The following TAFA5 variants were observed in gnomAD, a reference collection of about 807,000 sequenced individuals.
The protein encoded by TAFA5 is TAFA chemokine like family member 5.
Under a neutral mutation model 15.3 loss-of-function variants are expected in TAFA5, and 6 were observed. That is an observed-to-expected ratio of 0.39 (90% CI 0.21 to 0.77). The LOEUF is 0.77. Ranked by LOEUF, TAFA5 falls within the 30% of genes least tolerant of loss-of-function variation. The probability of loss-of-function intolerance (pLI) is 0.41; values close to 1 mark genes in which losing one functional copy is unlikely to be tolerated. For synonymous variants in TAFA5, 103 were observed against 80.7 expected, an observed-to-expected ratio of 1.28 and a Z score of -1.48; for missense variants, 161 against 193.1, an observed-to-expected ratio of 0.83 and a Z score of 0.98.
intron 1 of TAFA5, among the ~76,000 whole-genome samples, chr22:48,606,899 G>A (rs762571440): frequency 6.6e-6 from 1 of 152,210 alleles, no homozygotes; most frequent in Non-Finnish European, 1.5e-5. Flanking sequence ...CCTGCTTCAC[G>A]TGACAGTTCA....
At chr22:48,524,720 C>A (rs1463757745) in intron 1 of TAFA5, among the ~76,000 whole-genome samples, 2 of 152,134 alleles carry the variant, frequency 1.3e-5, no homozygotes, top group Non-Finnish European at 2.9e-5. Flanking sequence ...GTGGGTGAGA[C>A]CCTGCACCGA....
At chr22:48,544,439 G>A (rs1377778438) in intron 1 of TAFA5, 6 of 346,144 alleles carry the variant, frequency 1.7e-5, no homozygotes, top group Admixed American at 7.6e-5. Context: ...CCGTCAGCCC[G>A]TCCCTCGAGG....
intron 1 of TAFA5, among the ~76,000 whole-genome samples, chr22:48,555,907 C>T (rs1341007549): frequency 6.6e-6 from 1 of 152,172 alleles, no homozygotes; most frequent in Non-Finnish European, 1.5e-5. Context: ...TTGGGTGGTG[C>T]TTGTGAGGGG....
intron 1 of TAFA5, among the ~76,000 whole-genome samples, chr22:48,630,870 G>A (rs1326348702): frequency 1.3e-5 from 2 of 152,114 alleles, no homozygotes; most frequent in Non-Finnish European, 1.5e-5. Context: ...GCCCAAATCT[G>A]CCCCCTATAC....
At chr22:48,627,399 A>G (rs1218283645) in intron 1 of TAFA5, among the ~76,000 whole-genome samples, 1 of 152,188 alleles carries the variant, frequency 6.6e-6, no homozygotes, top group Non-Finnish European at 1.5e-5. Flanking sequence ...GAGGATGGAG[A>G]AATGCGTCAG....
At chr22:48,522,717 T>C (rs1180912215) in intron 1 of TAFA5, among the ~76,000 whole-genome samples, 1 of 151,884 alleles carries the variant, frequency 6.6e-6, no homozygotes, top group Non-Finnish European at 1.5e-5. Flanking sequence ...CTGCCTGGGG[T>C]TTTGTGGCCA....
At chr22:48,722,251 A>G (rs930497224) in intron 3 of TAFA5, among the ~76,000 whole-genome samples, 1 of 152,164 alleles carries the variant, frequency 6.6e-6, no homozygotes, top group Non-Finnish European at 1.5e-5. Flanking sequence ...GTGAGGTGGT[A>G]TCTCATTGTT....
At chr22:48,501,454 G>C (rs942427074) in intron 1 of TAFA5, among the ~76,000 whole-genome samples, 1 of 152,218 alleles carries the variant, frequency 6.6e-6, no homozygotes, top group Non-Finnish European at 1.5e-5. Context: ...GCGTGAACTC[G>C]GGTGACGGCC....
At chr22:48,605,417 A>AT (rs1925152118) in intron 1 of TAFA5, among the ~76,000 whole-genome samples, 49 of 33,760 alleles carry the variant, frequency 1.5e-3, no homozygotes, top group South Asian at 2.7e-3. Context: ...GGTGATGGTG[A>AT]GGATGGTGGT....
rs1258230763 is a variant in TAFA5, at chr22:48,490,781, A to C, written c.112+1077A>C. On this transcript the variant is annotated intron_variant, in intron 1 of 3. Transcript: ENST00000402357. This position sits in a 1 kb window ranked among gnomAD's most constrained non-coding sequence, Gnocchi z 5.8. ...ATGGAAAAATATGGATTCTTTACAA[A>C]AAAAAAAAAAAAAGGCCAGCACCGA... Among the ~76,000 whole-genome samples, 1 of 143,084 alleles carries C rather than the reference A, an allele frequency of 7.0e-6. No individual in the cohort carries two copies. Among genetic ancestry groups the C allele is most frequent in the Non-Finnish European group, 1.5e-5 (1 of 66,302 alleles). The allele number at this position is 143,084 out of a possible 152,430, so 93.9% of individuals were successfully genotyped here.
chr22:48,637,093 G>A (rs894124923), intron 1 of TAFA5, among the ~76,000 whole-genome samples: 1 of 152,204 alleles, frequency 6.6e-6, no homozygotes, highest in Non-Finnish European at 1.5e-5. Context: ...CAGGTGAGCA[G>A]CCTTTCCGAG....
At chr22:48,625,753 G>A (rs1926006166) in intron 1 of TAFA5, among the ~76,000 whole-genome samples, 2 of 152,160 alleles carry the variant, frequency 1.3e-5, no homozygotes, top group African/African-American at 4.8e-5. Flanking sequence ...TGGAATTGTG[G>A]GGGTTTTGGC....
intron 2 of TAFA5, among the ~76,000 whole-genome samples, chr22:48,664,663 T>C (rs992797012): frequency 1.3e-5 from 2 of 152,178 alleles, no homozygotes; most frequent in Admixed American, 1.3e-4. Context: ...ACTGCAGGTT[T>C]GCCTGTTTCA....
At chr22:48,595,019 C>A (rs1476379690) in intron 1 of TAFA5, among the ~76,000 whole-genome samples, 1 of 152,166 alleles carries the variant, frequency 6.6e-6, no homozygotes, top group Non-Finnish European at 1.5e-5. Flanking sequence ...ACATAGAGCC[C>A]CAGCCAGGGT....
chr22:48,735,102 G>A (rs1041623912), intron 3 of TAFA5, among the ~76,000 whole-genome samples: 6 of 152,194 alleles, frequency 3.9e-5, no homozygotes, highest in African/African-American at 1.4e-4. Context: ...AGCTGCCCAT[G>A]GGCTGCAGAC....
chr22:48,699,460 G>A (rs567603380), intron 2 of TAFA5, among the ~76,000 whole-genome samples: 56 of 152,324 alleles, frequency 3.7e-4, no homozygotes, highest in African/African-American at 1.3e-3. Flanking sequence ...CTCGGTGACA[G>A]GGCACTGGCA....
intron 1 of TAFA5, among the ~76,000 whole-genome samples, chr22:48,589,923 C>T (rs971225484): frequency 1.3e-5 from 2 of 151,994 alleles, no homozygotes; most frequent in African/African-American, 4.8e-5. Context: ...TTTGTTACAG[C>T]GGCCAGAGGA....
intron 1 of TAFA5, among the ~76,000 whole-genome samples, chr22:48,575,334 C>T (rs1205963681): frequency 6.6e-6 from 1 of 151,070 alleles, no homozygotes; most frequent in Non-Finnish European, 1.5e-5. Context: ...GCGGGGTCCC[C>T]GGGGTCCCTC....
Position 48,742,697 on chromosome 22 carries a change from G to A in TAFA5, c.391-7142G>A, listed in dbSNP as rs1019902509. On this transcript the variant is annotated intron_variant, in intron 3 of 3. Transcript: ENST00000402357. The surrounding 1 kb of genome is among the most constrained non-coding windows in gnomAD (Gnocchi z 6.2). ...GACCGGGCAGTGTGATGGACCAGGCGACGTGGTGGGCCGGGTGGTGTGGTG... is the reference window on the plus strand; with the variant it reads ...GACCGGGCAGTGTGATGGACCAGGCAACGTGGTGGGCCGGGTGGTGTGGTG... Among the ~76,000 whole-genome samples the A allele has an allele frequency of 2.0e-5, 3 of 152,226 alleles. No homozygotes were observed. Among genetic ancestry groups the A allele is most frequent in the African/African-American group, 7.2e-5 (3 of 41,530 alleles).
Sources: allele counts gnomAD v4.1 joint callset (sites outside exome capture counted in the v4.1 genomes callset), GRCh38; gene constraint gnomAD v4.1.1; non-coding constraint Gnocchi (gnomAD v3.1); transcripts MANE v1.5; gene names NCBI Gene and HGNC (gene_info 2026-07-23, HGNC 2026-07-21).